The following ZNF346 variants were observed in gnomAD, a reference collection of about 807,000 sequenced individuals.
ZNF346 encodes double-stranded RNA-binding zinc finger protein JAZ.
A neutral mutation model predicts 33.7 loss-of-function variants in ZNF346; 23 were observed. The observed-to-expected ratio is 0.68, with a 90% CI of 0.49 to 0.97. The LOEUF (loss-of-function observed/expected upper bound fraction) is 0.97, where lower values mean the gene tolerates loss of function less well. ZNF346 is among the 50% of genes least tolerant of loss of function. The pLI is 0.00. For missense variants in ZNF346, 340 were observed against 371.1 expected, an observed-to-expected ratio of 0.92 and a Z score of 0.69; for synonymous variants, 134 against 142.4, an observed-to-expected ratio of 0.94 and a Z score of 0.42.
intron 3 of ZNF346, among the ~76,000 whole-genome samples, chr5:177,042,432 G>C (rs1779452939): frequency 6.6e-6 from 1 of 152,124 alleles, no homozygotes; most frequent in Non-Finnish European, 1.5e-5. Flanking sequence ...AGCAGACTAG[G>C]GCTCAAAGCT....
intron 1 of ZNF346, 71 bp from the exon 2 acceptor site, chr5:177,041,055 G>T (rs1179209707): frequency 8.4e-7 from 1 of 1,192,358 alleles, no homozygotes; most frequent in East Asian, 2.3e-5. Context: ...TGTGTTTGAG[G>T]CAGGGTTCAA....
In ZNF346 at chr5:177,063,126, C is replaced by G. The variant is rs542459402; in HGVS notation, c.797+975C>G. ...TATTGGCCAGGCTGGTCTCAAACTC[C>G]TGAGCTCAAGTGATCCATCTGCCTC... On this transcript the variant is annotated intron_variant, in intron 6 of 6. Coordinates refer to ENST00000358149, the MANE Select transcript of ZNF346 (RefSeq NM_012279.4). 2.6e-5 allele frequency among the ~76,000 whole-genome samples: 4 copies of G among 151,792 alleles called. No individual in the cohort carries two copies. In the South Asian group the frequency reaches 6.2e-4, roughly 24 times the overall value.
At chr5:177,044,291 G>GC (rs1779752540) in intron 3 of ZNF346, 98 bp from the exon 4 acceptor site, 4 of 1,394,758 alleles carry the variant, frequency 2.9e-6, no homozygotes, top group African/African-American at 1.4e-5. Flanking sequence ...TGTGAGGGGG[G>GC]CCATAAATGC....
At chr5:177,072,657 T>C (rs900006722), downstream of ZNF346, among the ~76,000 whole-genome samples, 1 of 152,202 alleles carries the variant, frequency 6.6e-6, no homozygotes, top group Non-Finnish European at 1.5e-5. Context: ...CAAGGCCAGC[T>C]GGCCAACATG....
intron 1 of ZNF346, chr5:177,023,257 C>T (rs1277248408): frequency 2.7e-6 from 4 of 1,497,066 alleles, no homozygotes; most frequent in Non-Finnish European, 3.6e-6. Context: ...GAGTGCCCCT[C>T]ACCACTCCTT....
intron 6 of ZNF346, among the ~76,000 whole-genome samples, chr5:177,064,057 T>C (rs994224384): frequency 1.1e-4 from 17 of 152,184 alleles, no homozygotes; most frequent in Non-Finnish European, 2.4e-4. Context: ...TCAGATAGGT[T>C]AATTGACTTC....
downstream of ZNF346, among the ~76,000 whole-genome samples, chr5:177,070,316 T>C (rs1783441514): frequency 6.6e-6 from 1 of 152,074 alleles, no homozygotes; most frequent in Non-Finnish European, 1.5e-5. Flanking sequence ...TTTAGCATGC[T>C]CAAGACAGGT....
chr5:177,031,656 T>G (rs553051516), intron 1 of ZNF346, among the ~76,000 whole-genome samples: 1 of 152,010 alleles, frequency 6.6e-6, no homozygotes, highest in South Asian at 2.1e-4. Context: ...ATATGGGAGG[T>G]TTTTGGACAT....
At chr5:177,058,943 T>C (rs1280296421) in intron 5 of ZNF346, among the ~76,000 whole-genome samples, 3 of 152,168 alleles carry the variant, frequency 2.0e-5, no homozygotes, top group African/African-American at 7.2e-5. Context: ...CCAGGTTGGC[T>C]AGGCTGGTCT....
downstream of ZNF346, among the ~76,000 whole-genome samples, chr5:177,071,415 G>A (rs113848295): frequency 7.3e-3 from 1,100 of 151,462 alleles, 13 homozygotes; most frequent in African/African-American, 0.024. Context: ...CGCCAGGCGC[G>A]GTGGCTCACG....
At chr5:177,055,680 C>T (rs1325992453) in intron 5 of ZNF346, among the ~76,000 whole-genome samples, 2 of 118,702 alleles carry the variant, frequency 1.7e-5, no homozygotes, top group Admixed American at 1.5e-4. Flanking sequence ...GTGGCTCACG[C>T]CTGTAATCCC....
chr5:177,041,790 G>T lies in ZNF346; in HGVS notation c.292G>T (p.Ala98Ser). Reference sequence around the variant, plus strand: ...TGGGTTTTTGCAGAGCAAAAAACATGCCAACAAAGTGAAGAGATACCTAGC... The same window carrying T: ...TGGGTTTTTGCAGAGCAAAAAACATTCCAACAAAGTGAAGAGATACCTAGC... ...KLAHYQSKKHANKVKRYLAIH... is the reference protein window; with the variant it reads ...KLAHYQSKKHSNKVKRYLAIH... Residue 98 changes from alanine (A) to serine (S), a missense_variant, in exon 3 of 7, where the codon GCC becomes TCC. Ala to Ser is a moderately conservative substitution (Grantham distance 99). Coordinates refer to ENST00000358149, the MANE Select transcript of ZNF346 (RefSeq NM_012279.4). 2 of 1,612,916 alleles carry T rather than the reference G, an allele frequency of 1.2e-6. No homozygotes were observed. Among genetic ancestry groups the T allele is most frequent in the Non-Finnish European group, 1.7e-6 (2 of 1,179,106 alleles).
chr5:177,048,787 C>CTTTT (rs58509601), intron 4 of ZNF346, among the ~76,000 whole-genome samples: 1 of 132,200 alleles, frequency 7.6e-6, no homozygotes, highest in African/African-American at 2.8e-5. Context: ...CTTTTTTTTT[C>CTTTT]TTTTTTTTTT....
chr5:177,074,419 T>C (rs1020254681), intron 8 of ZNF346, among the ~76,000 whole-genome samples: 1 of 152,178 alleles, frequency 6.6e-6, no homozygotes, highest in Non-Finnish European at 1.5e-5. Flanking sequence ...GCACCTGTCA[T>C]AGAGAAGAAG....
At chr5:177,048,221 T>G (rs562937353) in intron 4 of ZNF346, among the ~76,000 whole-genome samples, 59 of 152,304 alleles carry the variant, frequency 3.9e-4, no homozygotes, top group African/African-American at 1.4e-3. Flanking sequence ...TAGACTTACT[T>G]ACACTTTCAC....
At chr5:177,024,059 G>T (rs183435909) in intron 1 of ZNF346, among the ~76,000 whole-genome samples, 1,658 of 147,172 alleles carry the variant, frequency 0.011, 10 homozygotes, top group South Asian at 0.025. Flanking sequence ...GTGTGTATGC[G>T]TATATATAAT....
rs955553423 is a variant in ZNF346, at chr5:177,064,895, G to A, written c.*296G>A. 4.7e-5 allele frequency: 17 copies of A among 364,038 alleles called. No individual in the cohort carries two copies. Among genetic ancestry groups the A allele is most frequent in the African/African-American group, 3.5e-4 (17 of 48,796 alleles). The allele number at this position is 364,038 out of a possible 1,614,324, so 22.6% of individuals were successfully genotyped here. A position where few individuals can be genotyped will look rare whatever the true frequency, so the allele number is the denominator to read the frequency against. ...CATTTCCCAACCCCTCTGGGCCTTA[G>A]GTGCTGAGGCCCCTGCCACCTGTCT... On this transcript the variant is annotated 3_prime_UTR_variant, in exon 7 of 7. Transcript: ENST00000358149.
intron 4 of ZNF346, among the ~76,000 whole-genome samples, chr5:177,049,533 G>A (rs936410393): frequency 2.6e-5 from 4 of 152,214 alleles, no homozygotes; most frequent in South Asian, 2.1e-4. Context: ...CAAGAGGCTC[G>A]CATGTATGCC....
chr5:177,078,161 AAAG>A (rs1374580111), intron 8 of ZNF346, among the ~76,000 whole-genome samples: 1 of 152,156 alleles, frequency 6.6e-6, no homozygotes, highest in Non-Finnish European at 1.5e-5. Context: ...AAAGAAAAGA[AAAG>A]AAAAGGGAAT....
Sources: allele counts gnomAD v4.1 joint callset (sites outside exome capture counted in the v4.1 genomes callset), GRCh38; gene constraint gnomAD v4.1.1; transcripts MANE v1.5; gene names NCBI Gene and HGNC (gene_info 2026-07-23, HGNC 2026-07-21).